UGT3A1: variants seen among roughly 807,000 people sequenced by gnomAD.
The protein encoded by UGT3A1 is UDP glycosyltransferase family 3 member A1.
A neutral mutation model predicts 37.6 loss-of-function variants in UGT3A1; 40 were observed. That is an observed-to-expected ratio of 1.06 (90% CI 0.83 to 1.38). UGT3A1 has a LOEUF of 1.38. UGT3A1 is among the 40% of genes most tolerant of loss of function. The probability of loss-of-function intolerance (pLI) is 0.00; values close to 1 mark genes in which losing one functional copy is unlikely to be tolerated. For synonymous variants in UGT3A1, 256 were observed against 232.3 expected (o/e 1.10, Z -0.93); for missense variants, 642 against 634.2 (o/e 1.01, Z -0.13).
At chr5:35,992,903 G>A (rs562773287), upstream of UGT3A1, among the ~76,000 whole-genome samples, 105 of 152,012 alleles carry the variant, frequency 6.9e-4, no homozygotes, top group Admixed American at 2.6e-3. Context: ...ACAAACCTGC[G>A]TCTCCCTTTT....
intron 2 of UGT3A1, among the ~76,000 whole-genome samples, chr5:35,984,028 A>G (rs1740633602): frequency 6.6e-6 from 1 of 152,216 alleles, no homozygotes; most frequent in Non-Finnish European, 1.5e-5. Flanking sequence ...CTTTTATTCA[A>G]CATCATAGTG....
intron 2 of UGT3A1, among the ~76,000 whole-genome samples, chr5:35,980,414 C>T (rs1421282381): frequency 1.3e-5 from 2 of 152,140 alleles, no homozygotes; most frequent in Non-Finnish European, 2.9e-5. Context: ...AGAATGGATT[C>T]AGATTTCAGA....
rs557584284 is a variant in UGT3A1, at chr5:35,952,108, G to A, written c.*2094C>T. 2.6e-5 allele frequency: 4 copies of A among 152,206 alleles called. No homozygotes were observed. The highest frequency in any genetic ancestry group is 2.1e-4 in the South Asian group (1 of 4,834). 9.4% of individuals were successfully genotyped at this position (152,206 alleles called of 1,614,324 possible). On this transcript the variant is annotated 3_prime_UTR_variant, in exon 7 of 7. Transcript: ENST00000274278. ...ATTTCAGGTGTAGTGGTCAGGCACAGGCTTACCAATGTGAACACAATGACA... is the reference window on the plus strand; with the variant it reads ...ATTTCAGGTGTAGTGGTCAGGCACAAGCTTACCAATGTGAACACAATGACA...
At chr5:35,968,655 C>A (rs954530861) in intron 2 of UGT3A1, among the ~76,000 whole-genome samples, 1 of 152,224 alleles carries the variant, frequency 6.6e-6, no homozygotes, top group South Asian at 2.1e-4. Flanking sequence ...TTACCAGCCC[C>A]ACCCCTCCCC....
intron 2 of UGT3A1, among the ~76,000 whole-genome samples, chr5:35,985,080 A>T (rs112823965): frequency 8.6e-4 from 4 of 4,642 alleles, no homozygotes; most frequent in African/African-American, 2.6e-3. Context: ...CATAAAATAT[A>T]AAAAAAAAAA....
At position 35,954,432 on chromosome 5, in the gene UGT3A1, G is replaced by A; in HGVS notation, c.1342C>T (p.Pro448Ser). Residue 448 changes from proline (P) to serine (S), a missense_variant, in exon 7 of 7, where the codon CCC (proline) becomes TCC (serine). Physicochemically the swap from Pro to Ser is moderately conservative, Grantham distance 74. Transcript: ENST00000274278. The part of the protein sequence containing the change: ...VAASVILHSQ[P>S]LSPAQRLVGW... ...ACCAGCCGCTGTGCGGGGCTCAGGG[G>A]CTGAGAGTGCAGGATGACACTGGCT... is the stretch of plus-strand genomic sequence containing the variant. 6.2e-7 allele frequency: 1 copy of A among 1,614,242 alleles called. No individual in the cohort carries two copies. The highest frequency in any genetic ancestry group is 8.5e-7 in the Non-Finnish European group (1 of 1,180,044).
chr5:35,967,582 G>A (rs1168823806), intron 3 of UGT3A1, among the ~76,000 whole-genome samples: 5 of 152,308 alleles, frequency 3.3e-5, no homozygotes, highest in Admixed American at 6.5e-5. Context: ...AGAGGACAAG[G>A]AGGGAAAATA....
intron 2 of UGT3A1, among the ~76,000 whole-genome samples, chr5:35,977,849 C>T (rs746435469): frequency 1.3e-5 from 2 of 152,124 alleles, no homozygotes; most frequent in Admixed American, 6.5e-5. Flanking sequence ...TACAAACTAA[C>T]TCATAGTGAT....
At chr5:35,982,542 A>T (rs1307679208) in intron 2 of UGT3A1, among the ~76,000 whole-genome samples, 1 of 152,228 alleles carries the variant, frequency 6.6e-6, no homozygotes, top group African/African-American at 2.4e-5. Flanking sequence ...TGGAATGGGA[A>T]TATTTACCTA....
At position 35,991,361 on chromosome 5, in the gene UGT3A1, G is replaced by C. The variant is rs1740947093; in HGVS notation, c.-121C>G. The C allele has an allele frequency of 2.0e-6, 3 of 1,505,618 alleles. No homozygotes were observed. Among genetic ancestry groups the C allele is most frequent in the South Asian group, 1.3e-5 (1 of 74,300 alleles). 93.3% of individuals were successfully genotyped at this position (1,505,618 alleles called of 1,614,324 possible). On this transcript the variant is annotated 5_prime_UTR_variant, in exon 1 of 7. Transcript: ENST00000274278. Reference sequence around the variant, plus strand: ...GCTGTGGGCCTAGGAAGAGGTAGGAGACGGATCCTGCCAATTCTCTCGCCC... The same window carrying C: ...GCTGTGGGCCTAGGAAGAGGTAGGACACGGATCCTGCCAATTCTCTCGCCC...
At chr5:35,982,684 T>C (rs1480597391) in intron 2 of UGT3A1, among the ~76,000 whole-genome samples, 2 of 152,150 alleles carry the variant, frequency 1.3e-5, no homozygotes, top group East Asian at 3.8e-4. Context: ...CTGGAATGAG[T>C]TAAGATTTTG....
At chr5:35,957,474 C>T in intron 4 of UGT3A1, 55 bp from the exon 5 acceptor site, 1 of 1,436,788 alleles carries the variant, frequency 7.0e-7, no homozygotes, top group Non-Finnish European at 9.6e-7. Context: ...GCCTAAGTGT[C>T]CATGAAATGA....
chr5:35,960,748 G>C (rs1739549002), intron 4 of UGT3A1: 1 of 152,218 alleles, frequency 6.6e-6, no homozygotes, highest in African/African-American at 2.4e-5. Context: ...GTCACACATA[G>C]ACTTGAAGAT....
At chr5:35,982,931 A>C (rs550451856) in intron 2 of UGT3A1, among the ~76,000 whole-genome samples, 1 of 152,196 alleles carries the variant, frequency 6.6e-6, no homozygotes, top group East Asian at 1.9e-4. Context: ...GATGTTTGAA[A>C]ATGTGTAGCA....
chr5:35,970,678 C>A (rs945059944), intron 2 of UGT3A1, among the ~76,000 whole-genome samples: 1 of 152,070 alleles, frequency 6.6e-6, no homozygotes, highest in South Asian at 2.1e-4. Context: ...ATTGGCTTAA[C>A]AAAAAGGGAT....
chr5:35,989,829 C>A (rs530346559), intron 1 of UGT3A1, among the ~76,000 whole-genome samples: 93 of 152,282 alleles, frequency 6.1e-4, no homozygotes, highest in African/African-American at 2.2e-3. Flanking sequence ...TTCAAATGAA[C>A]TAACACAGTT....
At chr5:35,956,169 T>TC (rs1332069486) in intron 5 of UGT3A1, among the ~76,000 whole-genome samples, 1 of 152,230 alleles carries the variant, frequency 6.6e-6, no homozygotes, top group Non-Finnish European at 1.5e-5. Context: ...TCTCTTCACC[T>TC]CATCTCTCCA....
At chr5:35,992,587 G>GGGCTAAACACAATAAGAAATGAAAT (rs1740983666), upstream of UGT3A1, among the ~76,000 whole-genome samples, 1 of 151,726 alleles carries the variant, frequency 6.6e-6, no homozygotes, top group Admixed American at 6.6e-5. Flanking sequence ...TTGCTGGACA[G>GGGCTAAACACAATAAGAAATGAAAT]ACAGAGGCTA....
intron 1 of UGT3A1, among the ~76,000 whole-genome samples, chr5:36,000,413 A>G (rs1282114800): frequency 6.6e-6 from 1 of 152,234 alleles, no homozygotes; most frequent in Non-Finnish European, 1.5e-5. Context: ...GATTTTGTCT[A>G]TTGGAAAAGA....
Sources: gnomAD v4.1 joint callset for allele counts (sites outside exome capture counted in the v4.1 genomes callset) on GRCh38, gnomAD v4.1.1 for gene constraint, MANE v1.5 for transcripts, NCBI Gene and HGNC (gene_info 2026-07-23, HGNC 2026-07-21) for gene names.